Variants in BCORL1 observed in about 807,000 individuals in gnomAD.
BCORL1 encodes BCL6 corepressor like 1.
Under a neutral mutation model 87.6 loss-of-function variants are expected in BCORL1, and 7 were observed. That is an observed-to-expected ratio of 0.08 (90% confidence interval 0.05 to 0.15). The LOEUF is 0.15. Ranked by LOEUF, BCORL1 falls within the 10% of genes least tolerant of loss-of-function variation. The pLI, the probability that BCORL1 is intolerant of heterozygous loss-of-function variation, is 1.00. For synonymous variants in BCORL1, 591 were observed against 634.4 expected, an observed-to-expected ratio of 0.93 and a Z score of 1.03; for missense variants, 1,215 against 1,499.7, an observed-to-expected ratio of 0.81 and a Z score of 3.13.
intron 1 of BCORL1, among the ~76,000 whole-genome samples, chrX:129,997,860 T>G (rs1027887196): frequency 1.9e-5 from 2 of 105,258 alleles, no homozygotes; most frequent in Non-Finnish European, 3.9e-5. Context: ...TGGTTTCCCC[T>G]GTTCTGTAGT....
chrX:130,016,057 C>T lies in BCORL1; in HGVS notation c.3285C>T (p.Ser1095=), dbSNP rs184146254. 2.1e-5 allele frequency: 26 copies of T among 1,209,737 alleles called. No homozygotes were observed. The highest frequency in any genetic ancestry group is 1.8e-4 in the Admixed American group (8 of 45,712). ...KAGQARVKQE[S]VGVFACKNKW... ...GGCAGGCTCGAGTGAAACAGGAAAG[C>T]GTAGGGGTCTTTGCTTGCAAGAACA... Residue 1095 remains serine (S), a synonymous_variant, in exon 4 of 14, where the codon AGC becomes AGT. Coordinates refer to ENST00000540052, the MANE Select transcript of BCORL1 (RefSeq NM_001379451.1).
chrX:130,002,575 G>C (rs963341388), intron 1 of BCORL1, among the ~76,000 whole-genome samples: 3 of 104,570 alleles, frequency 2.9e-5, no homozygotes, highest in African/African-American at 1.1e-4. Context: ...GGGGAAGGAG[G>C]GGGAGAGGGA....
chrX:129,990,313 G>C (rs1380261234), intron 1 of BCORL1, among the ~76,000 whole-genome samples: 3 of 110,167 alleles, frequency 2.7e-5, no homozygotes, highest in African/African-American at 6.6e-5. Flanking sequence ...CTCACTGCAA[G>C]CTCTGCCTCC....
intron 11 of BCORL1, among the ~76,000 whole-genome samples, chrX:130,040,912 C>G (rs916430606): frequency 1.8e-5 from 2 of 111,231 alleles, no homozygotes; most frequent in African/African-American, 3.3e-5. Context: ...GGTCTAGTCC[C>G]GAGGCCTCCT....
rs1050914657 is a variant in BCORL1, at chrX:130,034,546, G to A, written c.4397G>A (p.Arg1466Gln). The stretch of plus-strand genomic sequence containing the variant: ...GAACCATGTACACCCTCTAAGTCCC[G>A]AAGTGCCAGCTCAGAGGAGGCCTCA... ...PTEPCTPSKS[R>Q]SASSEEASES... The change falls in exon 9 of 14, where the codon CGA (arginine) becomes CAA (glutamine). Residue 1466 changes from arginine (R) to glutamine (Q), a missense_variant. By Grantham distance (43) the Arg-to-Gln change is conservative. This residue lies in a region of BCORL1 where 166 missense variants were observed against 196.5 expected (regional missense o/e 0.84). Coordinates refer to ENST00000540052, the MANE Select transcript of BCORL1 (RefSeq NM_001379451.1). 3 of 982,958 alleles carry A rather than the reference G, an allele frequency of 3.1e-6. No individual in the cohort carries two copies. The South Asian group carries it at 5.9e-5, about 19-fold the overall frequency. 81.0% of individuals were successfully genotyped at this position (982,958 alleles called of 1,213,427 possible).
chrX:130,002,705 T>A (rs1265811220), intron 1 of BCORL1, among the ~76,000 whole-genome samples: 12 of 102,661 alleles, frequency 1.2e-4, no homozygotes, highest in African/African-American at 2.2e-4. Context: ...TGTGTGTGTG[T>A]GAGAGAGAGG....
intron 8 of BCORL1, among the ~76,000 whole-genome samples, chrX:130,030,309 T>G (rs751329538): frequency 9.1e-6 from 1 of 110,465 alleles, no homozygotes; most frequent in South Asian, 3.9e-4. Flanking sequence ...CCCCCTAGAG[T>G]GGGAGGACAG....
At chrX:130,034,312 G>A (rs774082416) in intron 8 of BCORL1, 143 bp from the exon 9 acceptor site, 34 of 363,989 alleles carry the variant, frequency 9.3e-5, no homozygotes, top group Admixed American at 9.3e-4. Context: ...CAGTAGTCTC[G>A]GCCATTTAGG....
At chrX:129,998,659 T>A (rs190256682) in intron 1 of BCORL1, among the ~76,000 whole-genome samples, 2 of 112,155 alleles carry the variant, frequency 1.8e-5, no homozygotes, top group Non-Finnish European at 1.9e-5. Flanking sequence ...TCCTGACTCC[T>A]CCCTTCTGTG....
chrX:130,032,560 G>A (rs767938099), intron 8 of BCORL1, among the ~76,000 whole-genome samples: 66 of 110,994 alleles, frequency 5.9e-4, no homozygotes, highest in Admixed American at 2.7e-3. Context: ...AGGTGCATAA[G>A]AGCATGAAGA....
rs1351612053 is a variant in BCORL1, at chrX:130,014,140, C to T, written c.1368C>T (p.Ser456=). The T allele has an allele frequency of 1.7e-6, 2 of 1,209,072 alleles. No individual in the cohort carries two copies. Among genetic ancestry groups the T allele is most frequent in the Non-Finnish European group, 2.2e-6 (2 of 894,978 alleles). Residue 456 remains serine (S), a synonymous_variant, in exon 4 of 14, where the codon AGC becomes AGT. Transcript: ENST00000540052. ...SQPLVYIPPP[S]CGQPLSVATL... Reference sequence around the variant, plus strand: ...CGCTGGTATATATCCCGCCTCCAAGCTGTGGGCAGCCACTCAGTGTGGCCA... The same window carrying T: ...CGCTGGTATATATCCCGCCTCCAAGTTGTGGGCAGCCACTCAGTGTGGCCA...
At position 130,022,687 on chromosome X, in the gene BCORL1, T is replaced by C. The variant is rs765346384; in HGVS notation, c.3608-210T>C. Among the ~76,000 whole-genome samples the C allele has an allele frequency of 3.6e-5, 4 of 112,174 alleles. No homozygotes were observed. The South Asian group carries it at 1.1e-3, about 31-fold the overall frequency. ...CAAAAGCGACCAAACTCTCAGTTTT[T>C]AAAAACCACCTGGAAACACTCATTG... On this transcript the variant is annotated intron_variant, in intron 5 of 13. Coordinates refer to ENST00000540052, the MANE Select transcript of BCORL1 (RefSeq NM_001379451.1).
At chrX:129,986,524 A>G (rs759587582) in intron 1 of BCORL1, among the ~76,000 whole-genome samples, 1 of 112,300 alleles carries the variant, frequency 8.9e-6, no homozygotes, top group Non-Finnish European at 1.9e-5. Context: ...AGTTCATGAA[A>G]TAGAAAAAAA....
At chrX:130,025,523 C>G (rs1217003193) in intron 7 of BCORL1, 144 bp downstream of exon 7, 2 of 533,947 alleles carry the variant, frequency 3.7e-6, no homozygotes, top group Non-Finnish European at 5.8e-6. Context: ...TCACTCAACT[C>G]CAGCTCCGAG....
intron 6 of BCORL1, 61 bp downstream of exon 6, chrX:130,023,038 C>G (rs1185724153): frequency 2.0e-6 from 2 of 1,021,480 alleles, no homozygotes; most frequent in Non-Finnish European, 2.8e-6. Context: ...AGATCGAAAT[C>G]TGGTTGAGCA....
chrX:130,049,003 T>C (rs1338255066), intron 11 of BCORL1, among the ~76,000 whole-genome samples: 1 of 112,586 alleles, frequency 8.9e-6, no homozygotes, highest in Non-Finnish European at 1.9e-5. Context: ...AATATTCCAC[T>C]GTATGGATAT....
intron 8 of BCORL1, among the ~76,000 whole-genome samples, chrX:130,031,046 G>A (rs979937902): frequency 1.8e-5 from 2 of 112,802 alleles, no homozygotes; most frequent in Non-Finnish European, 3.8e-5. Context: ...GAGCCAGGGG[G>A]AAGGAGAGAG....
chrX:130,007,338 G>A (rs1373340550), intron 2 of BCORL1, among the ~76,000 whole-genome samples: 1 of 112,511 alleles, frequency 8.9e-6, no homozygotes, highest in Admixed American at 9.4e-5. Context: ...GAAGAAAAGT[G>A]TTTTCCTTTA....
Position 130,034,524 on chromosome X carries a change from C to T in BCORL1, c.4375C>T (p.Pro1459Ser). 1.0e-6 allele frequency: 1 copy of T among 983,162 alleles called. No homozygotes were observed. The allele number at this position is 983,162 out of a possible 1,213,427, so 81.0% of individuals were successfully genotyped here. A position where few individuals can be genotyped will look rare whatever the true frequency, so the allele number is the denominator to read the frequency against. Residue 1459 changes from proline (P) to serine (S), a missense_variant, in exon 9 of 14, where the codon CCA (proline) becomes TCA (serine). Around this residue, in one of 5 missense-constraint regions of BCORL1, gnomAD observed 166 missense variants for 196.5 expected, o/e 0.84. Transcript: ENST00000540052. ...KSPTPVKPTE[P>S]CTPSKSRSAS... ...TCCCACCCCAGTGAAACCCACAGAA[C>T]CATGTACACCCTCTAAGTCCCGAAG...
Sources: gnomAD v4.1 joint callset for allele counts (sites outside exome capture counted in the v4.1 genomes callset) on GRCh38, gnomAD v4.1.1 for gene constraint, gnomAD v4.1.1 regional missense constraint, MANE v1.5 for transcripts, NCBI Gene and HGNC (gene_info 2026-07-23, HGNC 2026-07-21) for gene names.